Variants in JADE3 observed in about 807,000 individuals in gnomAD.
JADE3 encodes the protein protein Jade-3.
In JADE3, 2 loss-of-function variants were observed where a neutral mutation model predicts 50.1. The ratio of observed to expected loss-of-function variants is 0.04; its 90% CI spans 0.02 to 0.13. The LOEUF (loss-of-function observed/expected upper bound fraction) is 0.13, where lower values mean the gene tolerates loss of function less well. JADE3 is among the 10% of genes least tolerant of loss of function. The pLI, the probability that JADE3 is intolerant of heterozygous loss-of-function variation, is 1.00. For synonymous variants in JADE3, 218 were observed against 232.9 expected (o/e 0.94, Z 0.58); for missense variants, 475 against 634.4 (o/e 0.75, Z 2.70).
At position 46,913,716 on chromosome X, in the gene JADE3, C is replaced by T. The variant is rs973989219; in HGVS notation, c.-12+997C>T. On this transcript the variant is annotated intron_variant, in intron 1 of 10. Coordinates refer to ENST00000614628, the MANE Select transcript of JADE3 (RefSeq NM_014735.5). ...TTTGTTATTTGTGAGGAGGGGGTGGCGGGATCTGGAGTGAGTGACCACAAT... is the reference window on the plus strand; with the variant it reads ...TTTGTTATTTGTGAGGAGGGGGTGGTGGGATCTGGAGTGAGTGACCACAAT... Among the ~76,000 whole-genome samples, 6 of 109,989 alleles carry T rather than the reference C, an allele frequency of 5.5e-5. No individual in the cohort carries two copies. The East Asian group carries it at 1.7e-3, about 32-fold the overall frequency.
intron 1 of JADE3, among the ~76,000 whole-genome samples, chrX:46,979,425 CATGGTCAGT>C (rs1185430140): frequency 2.7e-5 from 3 of 111,656 alleles, no homozygotes; most frequent in Non-Finnish European, 5.6e-5. Flanking sequence ...AGAGAGGGTC[CATGGTCAGT>C]TGGCTTTCTT....
chrX:47,048,559 T>G lies in JADE3; in HGVS notation c.973-5599T>G, dbSNP rs140450099. 3.2e-4 allele frequency among the ~76,000 whole-genome samples: 36 copies of G among 112,344 alleles called. No homozygotes were observed. In the East Asian group the frequency reaches 1.0e-2, roughly 31 times the overall value. Reference sequence around the variant, plus strand: ...ACATAGAGGAACCTGAAGAACATGCTAAGTGAAAGAAGCCAGACTCACACA... The same window carrying G: ...ACATAGAGGAACCTGAAGAACATGCGAAGTGAAAGAAGCCAGACTCACACA... On this transcript the variant is annotated intron_variant, in intron 8 of 10. Transcript: ENST00000614628.
At chrX:46,945,806 T>C (rs1556343264) in intron 1 of JADE3, among the ~76,000 whole-genome samples, 3 of 111,684 alleles carry the variant, frequency 2.7e-5, no homozygotes, top group Non-Finnish European at 5.6e-5. Flanking sequence ...CCAGATTCAG[T>C]TGGTGAGCTA....
chrX:46,914,583 C>G (rs11798589), intron 1 of JADE3, among the ~76,000 whole-genome samples: 1 of 112,167 alleles, frequency 8.9e-6, no homozygotes, highest in African/African-American at 3.2e-5. Context: ...ATTCAACTTT[C>G]AATCGATGTT....
chrX:46,921,490 T>A (rs1926220641), intron 1 of JADE3, among the ~76,000 whole-genome samples: 1 of 112,091 alleles, frequency 8.9e-6, no homozygotes, highest in South Asian at 3.7e-4. Context: ...TTGTAGGATT[T>A]TTTTTTAATA....
chrX:47,019,299 T>C (rs1280985005), intron 4 of JADE3, among the ~76,000 whole-genome samples: 2 of 111,874 alleles, frequency 1.8e-5, no homozygotes, highest in African/African-American at 6.5e-5. Flanking sequence ...TGGAGAGAAG[T>C]GATTATCCCA....
Position 47,060,147 on chromosome X carries a change from G to T in JADE3, c.*1070G>T, listed in dbSNP as rs1417570816. ...CTGAGGCAGTTTCCCAAACAAAAAGGCTGGAGCCATTTTTCAGAAGTTGCT... is the reference window on the plus strand; with the variant it reads ...CTGAGGCAGTTTCCCAAACAAAAAGTCTGGAGCCATTTTTCAGAAGTTGCT... On this transcript the variant is annotated 3_prime_UTR_variant, in exon 11 of 11. Transcript: ENST00000614628. The T allele has an allele frequency of 2.8e-5, 3 of 106,307 alleles. No homozygotes were observed. Among genetic ancestry groups the T allele is most frequent in the Admixed American group, 1.0e-4 (1 of 9,560 alleles). The allele number at this position is 106,307 out of a possible 1,213,427, so 8.8% of individuals were successfully genotyped here.
At position 46,931,535 on chromosome X, in the gene JADE3, C is replaced by A. The variant is rs1167151464; in HGVS notation, c.-12+18816C>A. Among the ~76,000 whole-genome samples, 3 of 110,139 alleles carry A rather than the reference C, an allele frequency of 2.7e-5. No homozygotes were observed. In the Admixed American group the frequency reaches 2.9e-4, roughly 11 times the overall value. ...CTCCCGGGTTCAAGCGATTCTCCTG[C>A]CTCAGCCTCCTGAGTAGCTGGGATT... is the stretch of plus-strand genomic sequence containing the variant. On this transcript the variant is annotated intron_variant, in intron 1 of 10. Transcript: ENST00000614628.
At chrX:47,031,775 C>T (rs1339931494) in intron 6 of JADE3, among the ~76,000 whole-genome samples, 3 of 110,760 alleles carry the variant, frequency 2.7e-5, no homozygotes, top group Non-Finnish European at 5.7e-5. Flanking sequence ...TAAGGTAGGA[C>T]GATTGCTTGA....
intron 3 of JADE3, among the ~76,000 whole-genome samples, chrX:46,992,712 G>C (rs1928045286): frequency 8.9e-6 from 1 of 111,733 alleles, no homozygotes; most frequent in Admixed American, 9.5e-5. Flanking sequence ...ATTTTACTGG[G>C]AATTAGTCAC....
chrX:47,052,633 C>CAAAAAA (rs1195947563), intron 8 of JADE3, among the ~76,000 whole-genome samples: 2 of 18,926 alleles, frequency 1.1e-4, no homozygotes, highest in African/African-American at 1.5e-4. Flanking sequence ...GACTCTGTCT[C>CAAAAAA]AAAAAAAAAA....
rs1485279358 is a variant in JADE3 at position 47,055,982 on chromosome X, C to T, written c.1444-100C>T. Reference sequence around the variant, plus strand: ...CTTGGATTCTGTCTTCTCTCCTCACCCCCACCTGACTTTAGGTCTTTATTT... The same window carrying T: ...CTTGGATTCTGTCTTCTCTCCTCACTCCCACCTGACTTTAGGTCTTTATTT... On this transcript the variant is annotated intron_variant, in intron 9 of 10. Transcript: ENST00000614628. 4 of 481,060 alleles carry T rather than the reference C, an allele frequency of 8.3e-6. No individual in the cohort carries two copies. In the African/African-American group the frequency reaches 9.5e-5, roughly 11 times the overall value. 39.6% of individuals were successfully genotyped at this position (481,060 alleles called of 1,213,427 possible).
intron 1 of JADE3, among the ~76,000 whole-genome samples, chrX:46,920,699 C>T (rs1926202426): frequency 8.9e-6 from 1 of 112,511 alleles, no homozygotes; most frequent in Non-Finnish European, 1.9e-5. Context: ...CTAGTTGTCC[C>T]AGCACCACTT....
intron 4 of JADE3, among the ~76,000 whole-genome samples, chrX:47,003,493 T>G (rs1928332387): frequency 9.3e-6 from 1 of 108,025 alleles, no homozygotes. Context: ...TGATTTGACT[T>G]GCAAATATCT....
chrX:47,026,172 C>T (rs1001709262), intron 5 of JADE3, among the ~76,000 whole-genome samples: 14 of 111,781 alleles, frequency 1.3e-4, no homozygotes, highest in Admixed American at 8.6e-4. Context: ...GCTCAATGTG[C>T]GCTTGTGTTC....
chrX:46,956,101 G>C lies in JADE3; in HGVS notation c.-11-28783G>C, dbSNP rs1927108898. 2.7e-5 allele frequency among the ~76,000 whole-genome samples: 3 copies of C among 111,043 alleles called. No individual in the cohort carries two copies. In the Admixed American group the frequency reaches 2.9e-4, roughly 11 times the overall value. The stretch of plus-strand genomic sequence containing the variant: ...TTTGTTTGAGACAGAGTCTCGCTCT[G>C]TTGCCCAGGCTGGAGTGTAGTGGTG... On this transcript the variant is annotated intron_variant, in intron 1 of 10. Transcript: ENST00000614628.
chrX:46,923,804 G>A (rs907459337), intron 1 of JADE3, among the ~76,000 whole-genome samples: 7 of 111,148 alleles, frequency 6.3e-5, no homozygotes, highest in African/African-American at 2.3e-4. Context: ...CTTCCCAAGA[G>A]CTAGCTCTAA....
At chrX:47,016,600 A>G (rs1357936850) in intron 4 of JADE3, among the ~76,000 whole-genome samples, 1 of 111,809 alleles carries the variant, frequency 8.9e-6, no homozygotes. Flanking sequence ...AAGGAAAGGA[A>G]AATAGGCCCC....
intron 7 of JADE3, among the ~76,000 whole-genome samples, 169 bp downstream of exon 7, chrX:47,033,957 G>A (rs1371954042): frequency 9.0e-6 from 1 of 111,408 alleles, no homozygotes; most frequent in Non-Finnish European, 1.9e-5. Context: ...ATGCACACTT[G>A]CATGTAAGCC....
Sources: gnomAD v4.1 joint callset for allele counts (sites outside exome capture counted in the v4.1 genomes callset) on GRCh38, gnomAD v4.1.1 for gene constraint, MANE v1.5 for transcripts, NCBI Gene and HGNC (gene_info 2026-07-23, HGNC 2026-07-21) for gene names.